The following YTHDC2 variants were observed in gnomAD, a reference collection of about 807,000 sequenced individuals.
YTHDC2 encodes the protein YTH N6-methyladenosine RNA binding protein C2, also known as 3'-5' RNA helicase YTHDC2.
Under a neutral mutation model 174.9 loss-of-function variants are expected in YTHDC2, and 45 were observed. The ratio of observed to expected loss-of-function variants is 0.26; its 90% confidence interval spans 0.20 to 0.33. The LOEUF is 0.33. Ranked by LOEUF, YTHDC2 falls within the 10% of genes least tolerant of loss-of-function variation. YTHDC2 has a pLI of 1.00. For missense variants in YTHDC2, 1,650 were observed against 1,723.7 expected (o/e 0.96, Z 0.76); for synonymous variants, 657 against 574.5 (o/e 1.14, Z -2.05).
Position 113,586,065 on chromosome 5 carries a change from C to T in YTHDC2, c.3825+1586C>T, listed in dbSNP as rs1462944387. On this transcript the variant is annotated intron_variant, in intron 26 of 29. Coordinates refer to ENST00000161863, the MANE Select transcript of YTHDC2 (RefSeq NM_022828.5). ...AGTTGTTTGATAAATGTATATTTAG[C>T]TTTACAAGAAACTGTCCAACTGTTT... 3.3e-5 allele frequency among the ~76,000 whole-genome samples: 5 copies of T among 152,092 alleles called. No individual in the cohort carries two copies. The South Asian group carries it at 1.0e-3, about 32-fold the overall frequency.
chr5:113,544,474 T>A (rs1029975506), intron 10 of YTHDC2, among the ~76,000 whole-genome samples: 8 of 152,136 alleles, frequency 5.3e-5, no homozygotes, highest in African/African-American at 1.9e-4. Flanking sequence ...CTTTTAAGCA[T>A]CTTTACCACA....
At chr5:113,522,634 C>G (rs1773955369) in intron 2 of YTHDC2, among the ~76,000 whole-genome samples, 1 of 152,094 alleles carries the variant, frequency 6.6e-6, no homozygotes, top group Non-Finnish European at 1.5e-5. Flanking sequence ...TGTTTATCAT[C>G]AAACCATAGT....
intron 4 of YTHDC2, 124 bp downstream of exon 4, chr5:113,526,909 G>A (rs1446782507): frequency 2.6e-5 from 6 of 226,584 alleles, no homozygotes; most frequent in Non-Finnish European, 4.9e-5. Flanking sequence ...AACAGAAAAA[G>A]AAACTTGTGG....
chr5:113,534,344 G>T lies in YTHDC2; in HGVS notation c.882G>T (p.Gly294=). The T allele has an allele frequency of 6.2e-7, 1 of 1,612,348 alleles. No individual in the cohort carries two copies. The highest frequency in any genetic ancestry group is 1.1e-5 in the South Asian group (1 of 90,880). The change falls in exon 6 of 30, where the codon GGG becomes GGT. Residue 294 remains glycine (G), a synonymous_variant. Transcript: ENST00000161863. The part of the protein sequence containing the change: ...PKTLLTFCTN[G]VLLRTLMAGD... ...CACTTCTGACATTTTGTACTAATGG[G>T]GTATTGCTTCGTACATTGATGGCAG...
At chr5:113,548,328 A>C (rs542618453) in intron 10 of YTHDC2, among the ~76,000 whole-genome samples, 1 of 152,266 alleles carries the variant, frequency 6.6e-6, no homozygotes, top group South Asian at 2.1e-4. Context: ...TCCAACCAAC[A>C]GTCTTTATTC....
intron 4 of YTHDC2, among the ~76,000 whole-genome samples, chr5:113,531,442 A>G (rs551269360): frequency 1.3e-5 from 2 of 151,970 alleles, no homozygotes; most frequent in Non-Finnish European, 2.9e-5. Context: ...GACATTGCCT[A>G]CCTCCTGAGT....
intron 12 of YTHDC2, among the ~76,000 whole-genome samples, chr5:113,551,837 C>A (rs1398352223): frequency 6.6e-6 from 1 of 152,024 alleles, no homozygotes; most frequent in Non-Finnish European, 1.5e-5. Context: ...TATTTTTCTG[C>A]TAAATTCTTT....
intron 23 of YTHDC2, among the ~76,000 whole-genome samples, chr5:113,577,614 C>T (rs541303740): frequency 3.9e-5 from 6 of 152,188 alleles, no homozygotes; most frequent in Non-Finnish European, 1.5e-5. Flanking sequence ...TTACAATCTG[C>T]TCACCTCGGT....
At chr5:113,537,843 A>G (rs1002834891) in intron 7 of YTHDC2, among the ~76,000 whole-genome samples, 13 of 152,096 alleles carry the variant, frequency 8.5e-5, no homozygotes, top group Non-Finnish European at 1.5e-4. Flanking sequence ...TAATCATACT[A>G]CTATTGACCT....
intron 26 of YTHDC2, among the ~76,000 whole-genome samples, chr5:113,585,801 A>G (rs542384374): frequency 6.6e-6 from 1 of 151,866 alleles, no homozygotes; most frequent in African/African-American, 2.4e-5. Flanking sequence ...TCAACAATCT[A>G]TCCATATTGT....
intron 26 of YTHDC2, among the ~76,000 whole-genome samples, chr5:113,589,674 G>A (rs1425033602): frequency 6.6e-6 from 1 of 151,870 alleles, no homozygotes; most frequent in African/African-American, 2.4e-5. Flanking sequence ...TGATTTTATA[G>A]TGAGCTGTGA....
At chr5:113,529,282 A>G (rs1395544060) in intron 4 of YTHDC2, among the ~76,000 whole-genome samples, 1 of 152,192 alleles carries the variant, frequency 6.6e-6, no homozygotes, top group Non-Finnish European at 1.5e-5. Flanking sequence ...AATCTACTCT[A>G]GTTAACATGG....
Position 113,553,760 on chromosome 5 carries a change from T to C in YTHDC2, c.1965-7T>C. On this transcript the variant is annotated splice_region_variant and splice_polypyrimidine_tract_variant and intron_variant, in intron 14 of 29. Coordinates refer to ENST00000161863, the MANE Select transcript of YTHDC2 (RefSeq NM_022828.5). Reference sequence around the variant, plus strand: ...TATAGTATGTTTTCTCTTTCAATTGTCTGCAGATACCAAGTCTTTATGCTT... The same window carrying C: ...TATAGTATGTTTTCTCTTTCAATTGCCTGCAGATACCAAGTCTTTATGCTT... 1 of 1,612,288 alleles carries C rather than the reference T, an allele frequency of 6.2e-7. No homozygotes were observed. The highest frequency in any genetic ancestry group is 8.5e-7 in the Non-Finnish European group (1 of 1,179,324).
rs756834130 is a variant in YTHDC2 at position 113,591,076 on chromosome 5, T to C, written c.3861T>C (p.Pro1287=). 3 of 1,613,832 alleles carry C rather than the reference T, an allele frequency of 1.9e-6. No individual in the cohort carries two copies. The highest frequency in any genetic ancestry group is 3.3e-5 in the Admixed American group (2 of 59,972). Residue 1287 remains proline, a synonymous_variant, in exon 27 of 30, where the codon CCT becomes CCC. Coordinates refer to ENST00000161863, the MANE Select transcript of YTHDC2 (RefSeq NM_022828.5). ...SKSPSPRPNM[P]VRYFIMKSSN... ...CTCCTTCGCCAAGACCAAACATGCC[T>C]GTTCGATACTTCATAATGAAGAGTA...
intron 17 of YTHDC2, among the ~76,000 whole-genome samples, chr5:113,559,754 C>T (rs968392083): frequency 6.6e-6 from 1 of 152,144 alleles, no homozygotes; most frequent in African/African-American, 2.4e-5. Flanking sequence ...AAATTTTAAA[C>T]AATTGGAATC....
intron 7 of YTHDC2, among the ~76,000 whole-genome samples, chr5:113,537,055 C>T (rs996206952): frequency 2.6e-5 from 4 of 152,234 alleles, no homozygotes; most frequent in South Asian, 2.1e-4. Context: ...TCCCCCGCCT[C>T]GCCCCTGCCA....
Position 113,533,048 on chromosome 5 carries a change from A to G in YTHDC2, c.842+3A>G, listed in dbSNP as rs760168245. 1.2e-6 allele frequency: 2 copies of G among 1,613,946 alleles called. No homozygotes were observed. Among genetic ancestry groups the G allele is most frequent in the Admixed American group, 3.3e-5 (2 of 59,982 alleles). Reference sequence around the variant, plus strand: ...TATCAGATCCGATTAGAAAGCAGGTAAAAACAGTTCTCATGTATCTTCTCT... The same window carrying G: ...TATCAGATCCGATTAGAAAGCAGGTGAAAACAGTTCTCATGTATCTTCTCT... On this transcript the variant is annotated splice_donor_region_variant and intron_variant, in intron 5 of 29. Coordinates refer to ENST00000161863, the MANE Select transcript of YTHDC2 (RefSeq NM_022828.5).
At chr5:113,515,221 G>C (rs1316760163) in intron 1 of YTHDC2, 51 bp from the exon 2 acceptor site, 1 of 1,403,920 alleles carries the variant, frequency 7.1e-7, no homozygotes, top group East Asian at 2.3e-5. Flanking sequence ...TTTTACTTGA[G>C]AGAAAATTGC....
chr5:113,572,735 C>G (rs1338310018), intron 23 of YTHDC2, among the ~76,000 whole-genome samples: 1 of 151,772 alleles, frequency 6.6e-6, no homozygotes, highest in Non-Finnish European at 1.5e-5. Flanking sequence ...TTTCTTTGAT[C>G]TTTATGGTTT....
Sources: allele counts gnomAD v4.1 joint callset (sites outside exome capture counted in the v4.1 genomes callset), GRCh38; gene constraint gnomAD v4.1.1; transcripts MANE v1.5; gene names NCBI Gene and HGNC (gene_info 2026-07-23, HGNC 2026-07-21).